The following SAFB variants were observed in gnomAD, a reference collection of about 807,000 sequenced individuals.
SAFB encodes scaffold attachment factor B.
SAFB carries 15 observed loss-of-function variants against 101.6 expected under a neutral mutation model. The observed-to-expected ratio is 0.15, with a 90% CI of 0.10 to 0.23. The LOEUF is 0.23. Among genes scored for constraint, SAFB ranks in the 10% least tolerant of loss-of-function variants. SAFB has a pLI of 1.00. For missense variants in SAFB, 930 were observed against 1,104.1 expected, an observed-to-expected ratio of 0.84 and a Z score of 2.23; for synonymous variants, 449 against 407.5, an observed-to-expected ratio of 1.10 and a Z score of -1.23.
chr19:5,635,526 T>G (rs945360621), intron 2 of SAFB, among the ~76,000 whole-genome samples: 5 of 152,128 alleles, frequency 3.3e-5, no homozygotes, highest in African/African-American at 1.2e-4. Context: ...CTTCCTATAC[T>G]TAGGAGGATG....
At chr19:5,660,340 A>AC (rs2054167553) in intron 14 of SAFB, among the ~76,000 whole-genome samples, 1 of 59,872 alleles carries the variant, frequency 1.7e-5, no homozygotes, top group Non-Finnish European at 3.5e-5. Context: ...CCCTGCACAC[A>AC]CCTTTTTTTT....
intron 2 of SAFB, among the ~76,000 whole-genome samples, chr19:5,631,834 C>G (rs1262498416): frequency 6.6e-6 from 1 of 152,038 alleles, no homozygotes. Context: ...TGACTTGAGC[C>G]CAGGAGTTGG....
intron 9 of SAFB, 80 bp downstream of exon 9, chr19:5,651,152 G>T: frequency 1.1e-6 from 1 of 870,720 alleles, no homozygotes; most frequent in South Asian, 1.6e-5. Context: ...TCTCCCCTCA[G>T]TGAGTTCTTT....
Position 5,642,079 on chromosome 19 carries a change from C to T in SAFB, c.546+133C>T, listed in dbSNP as rs781146576. The T allele has an allele frequency of 7.9e-6, 6 of 764,094 alleles. No individual in the cohort carries two copies. The South Asian group carries it at 8.8e-5, about 11-fold the overall frequency. The allele number at this position is 764,094 out of a possible 1,614,324, so 47.3% of individuals were successfully genotyped here. On this transcript the variant is annotated intron_variant, in intron 4 of 20. Coordinates refer to ENST00000588852, the MANE Select transcript of SAFB (RefSeq NM_001201338.2). The stretch of plus-strand genomic sequence containing the variant: ...TCAGTAGAATAAGGGTCAGTTGGTT[C>T]AGATGATTCTGAACCAATTTGTTTT...
chr19:5,654,520 T>C, intron 13 of SAFB, 64 bp downstream of exon 13: 1 of 948,176 alleles, frequency 1.1e-6, no homozygotes, highest in Non-Finnish European at 1.7e-6. Flanking sequence ...TCTGTGTGCG[T>C]CTTAGGGAAT....
intron 9 of SAFB, among the ~76,000 whole-genome samples, chr19:5,652,427 T>A (rs1207112139): frequency 6.6e-6 from 1 of 152,120 alleles, no homozygotes; most frequent in Non-Finnish European, 1.5e-5. Context: ...TGTGGGTTAA[T>A]TAGAGGACCG....
rs2053593405 is a variant in SAFB, at chr19:5,636,254, G to A, written c.275-5340G>A. 2.0e-5 allele frequency among the ~76,000 whole-genome samples: 3 copies of A among 152,006 alleles called. No individual in the cohort carries two copies. The South Asian group carries it at 6.2e-4, about 32-fold the overall frequency. ...ATGGAGGGCAGCAAGTTTCTGATAAGTTAGTAGATTTTTCCTATTATCTGG... is the reference window on the plus strand; with the variant it reads ...ATGGAGGGCAGCAAGTTTCTGATAAATTAGTAGATTTTTCCTATTATCTGG... On this transcript the variant is annotated intron_variant, in intron 2 of 20. Coordinates refer to ENST00000588852, the MANE Select transcript of SAFB (RefSeq NM_001201338.2).
intron 1 of SAFB, among the ~76,000 whole-genome samples, chr19:5,624,337 C>G (rs941392533): frequency 6.6e-6 from 1 of 151,688 alleles, no homozygotes; most frequent in Non-Finnish European, 1.5e-5. Context: ...TGTAAACACT[C>G]GGTGTGTGGT....
At chr19:5,648,527 T>A (rs2145445925) in intron 6 of SAFB, 1 of 306,836 alleles carries the variant, frequency 3.3e-6, no homozygotes, top group South Asian at 3.1e-5. Flanking sequence ...CCAAACACTG[T>A]TCACTTTCTG....
chr19:5,664,580 G>C, intron 17 of SAFB, 141 bp downstream of exon 17: 2 of 683,548 alleles, frequency 2.9e-6, no homozygotes, highest in South Asian at 3.4e-5. Context: ...AAAAGTCTAG[G>C]TTTGTGGAAT....
rs767488519 is a variant in SAFB at position 5,642,651 on chromosome 19, CTTTTTTTT to C, written c.546+724_546+731del. 6.2e-4 allele frequency among the ~76,000 whole-genome samples: 44 copies of C among 70,854 alleles called. No homozygotes were observed. The East Asian group carries it at 0.018, about 28-fold the overall frequency. 46.5% of individuals were successfully genotyped at this position (70,854 alleles called of 152,430 possible). A position where few individuals can be genotyped will look rare whatever the true frequency, so the allele number is the denominator to read the frequency against. ...GGCATTGGCATTATGCCCTTCCTTTCTTTTTTTTTTTTTTTTTTTTTTTTTTCTGAGAC... is the reference window on the plus strand; with the variant it reads ...GGCATTGGCATTATGCCCTTCCTTTCTTTTTTTTTTTTTTTTTTCTGAGAC... On this transcript the variant is annotated intron_variant, in intron 4 of 20. Coordinates refer to ENST00000588852, the MANE Select transcript of SAFB (RefSeq NM_001201338.2).
chr19:5,649,732 C>A, intron 7 of SAFB, 194 bp from the exon 8 acceptor site: 1 of 817,818 alleles, frequency 1.2e-6, no homozygotes, highest in Non-Finnish European at 1.9e-6. Context: ...TACCTTTAGC[C>A]CAGCAGAATT....
intron 2 of SAFB, 138 bp downstream of exon 2, chr19:5,626,627 A>G (rs1169947153): frequency 5.1e-6 from 3 of 589,560 alleles, no homozygotes; most frequent in South Asian, 4.2e-5. Context: ...GAAGCTTTGC[A>G]TTTTCTTTCA....
chr19:5,639,516 A>G (rs1330529864), intron 2 of SAFB, among the ~76,000 whole-genome samples: 2 of 151,974 alleles, frequency 1.3e-5, no homozygotes, highest in African/African-American at 2.4e-5. Context: ...AACATGGTGA[A>G]ACCCCATCTC....
At chr19:5,623,433 TG>T in intron 1 of SAFB, 39 bp downstream of exon 1, 3 of 1,560,906 alleles carry the variant, frequency 1.9e-6, no homozygotes, top group Non-Finnish European at 2.6e-6. Context: ...AGGGTGGGTC[TG>T]GGGTCCTCTT....
chr19:5,628,811 A>G (rs758912298), intron 2 of SAFB, among the ~76,000 whole-genome samples: 1 of 152,252 alleles, frequency 6.6e-6, no homozygotes, highest in Non-Finnish European at 1.5e-5. Flanking sequence ...CAAGGCAAAG[A>G]GTCCTGGAAA....
In SAFB at chr19:5,667,897, C is replaced by T; in HGVS notation, c.2624+11C>T. On this transcript the variant is annotated intron_variant, in intron 20 of 20. Coordinates refer to ENST00000588852, the MANE Select transcript of SAFB (RefSeq NM_001201338.2). This position sits in a 1 kb window ranked among gnomAD's most constrained non-coding sequence, Gnocchi z 4.0. ...AGGAGGAATGTCAGGGTAAGGCATG[C>T]TGGGGGCGGCGCCCCTTCCCCCTGC... The T allele has an allele frequency of 1.9e-6, 3 of 1,593,478 alleles. No homozygotes were observed. The highest frequency in any genetic ancestry group is 2.6e-6 in the Non-Finnish European group (3 of 1,169,812).
In SAFB at chr19:5,628,970, T is replaced by C. The variant is rs1052015167; in HGVS notation, c.274+2481T>C. Among the ~76,000 whole-genome samples, 3 of 152,240 alleles carry C rather than the reference T, an allele frequency of 2.0e-5. No homozygotes were observed. The South Asian group carries it at 6.2e-4, about 32-fold the overall frequency. ...GTTTTTGAGGTGGGTTCTCACTCTG[T>C]CACTCAGATGGAGGGTAGTCGCGCA... is the stretch of plus-strand genomic sequence containing the variant. On this transcript the variant is annotated intron_variant, in intron 2 of 20. Coordinates refer to ENST00000588852, the MANE Select transcript of SAFB (RefSeq NM_001201338.2).
chr19:5,656,870 A>G (rs2145471792), intron 13 of SAFB, among the ~76,000 whole-genome samples: 1 of 151,980 alleles, frequency 6.6e-6, no homozygotes, highest in Middle Eastern at 3.4e-3. Flanking sequence ...TCCCGGGTTC[A>G]CGCCATTCTC....
Sources: gnomAD v4.1 joint callset for allele counts (sites outside exome capture counted in the v4.1 genomes callset) on GRCh38, gnomAD v4.1.1 for gene constraint, Gnocchi (gnomAD v3.1) non-coding constraint, MANE v1.5 for transcripts, NCBI Gene and HGNC (gene_info 2026-07-23, HGNC 2026-07-21) for gene names.